The following TMCC3 variants were observed in gnomAD, a reference collection of about 807,000 sequenced individuals.
The protein encoded by TMCC3 is transmembrane and coiled-coil domain family 3.
TMCC3 carries 28 observed loss-of-function variants against 40.2 expected under a neutral mutation model. That is an observed-to-expected ratio of 0.70 (90% CI 0.52 to 0.95). The LOEUF (loss-of-function observed/expected upper bound fraction) is 0.95. TMCC3 is among the 40% of genes least tolerant of loss of function. The probability of loss-of-function intolerance (pLI) is 0.00; values close to 1 mark genes in which losing one functional copy is unlikely to be tolerated. For synonymous variants in TMCC3, 255 were observed against 248.5 expected (o/e 1.03, Z -0.25); for missense variants, 554 against 615.2 (o/e 0.90, Z 1.05).
chr12:94,619,010 G>A (rs997206743), intron 1 of TMCC3, among the ~76,000 whole-genome samples: 7 of 152,172 alleles, frequency 4.6e-5, no homozygotes, highest in Admixed American at 3.3e-4. Flanking sequence ...CACCCAGCCC[G>A]TGGTCTACTT....
At position 94,571,068 on chromosome 12, in the gene TMCC3, G is replaced by T; in HGVS notation, c.*367C>A. 1 of 229,962 alleles carries T rather than the reference G, an allele frequency of 4.3e-6. No individual in the cohort carries two copies. The allele number at this position is 229,962 out of a possible 1,614,324, so 14.2% of individuals were successfully genotyped here. A position where few individuals can be genotyped will look rare whatever the true frequency, so the allele number is the denominator to read the frequency against. The stretch of plus-strand genomic sequence containing the variant: ...TAGGACTCACAGAAAACAACCATTA[G>T]CAATTGTGAAGCTCAATTCTGACAG... On this transcript the variant is annotated 3_prime_UTR_variant, in exon 4 of 4. Transcript: ENST00000261226.
chr12:94,612,727 A>C (rs2068823747), intron 1 of TMCC3, among the ~76,000 whole-genome samples: 3 of 152,258 alleles, frequency 2.0e-5, no homozygotes. Context: ...AAAGCAAGAC[A>C]GAATTACTTG....
At chr12:94,624,023 G>T (rs934271301) in intron 1 of TMCC3, among the ~76,000 whole-genome samples, 1 of 152,226 alleles carries the variant, frequency 6.6e-6, no homozygotes, top group Non-Finnish European at 1.5e-5. Flanking sequence ...CATGTACAAA[G>T]ATTATAACAA....
At chr12:94,618,822 T>C (rs1302342092) in intron 1 of TMCC3, among the ~76,000 whole-genome samples, 3 of 152,222 alleles carry the variant, frequency 2.0e-5, no homozygotes, top group South Asian at 2.1e-4. Flanking sequence ...AGAACCAAGA[T>C]ACCTTCCAGT....
chr12:94,644,478 A>G (rs889475104), intron 1 of TMCC3: 1 of 979,908 alleles, frequency 1.0e-6, no homozygotes, highest in African/African-American at 1.8e-5. Context: ...TGTCTTGGTG[A>G]TCTCTACAGC....
intron 1 of TMCC3, among the ~76,000 whole-genome samples, chr12:94,604,822 A>AAAG: frequency 6.6e-6 from 1 of 150,936 alleles, no homozygotes; most frequent in African/African-American, 2.4e-5. Context: ...AAAAAAAAAA[A>AAAG]AAGAAGTAAT....
intron 1 of TMCC3, among the ~76,000 whole-genome samples, chr12:94,592,661 C>CAAACAA (rs1179258894): frequency 2.2e-4 from 6 of 27,494 alleles, no homozygotes; most frequent in Non-Finnish European, 3.4e-4. Context: ...GGCTCCATCT[C>CAAACAA]AAAAAAAAAA....
intron 1 of TMCC3, among the ~76,000 whole-genome samples, chr12:94,625,645 G>A (rs1469577764): frequency 4.0e-5 from 6 of 148,374 alleles, no homozygotes; most frequent in African/African-American, 2.5e-5. Context: ...AGGGCAAATA[G>A]TCTCACCGTG....
At chr12:94,592,358 G>C (rs531207012) in intron 1 of TMCC3, among the ~76,000 whole-genome samples, 1 of 151,828 alleles carries the variant, frequency 6.6e-6, no homozygotes, top group African/African-American at 2.4e-5. Flanking sequence ...TCCTATTTCC[G>C]GCCGGGCGCA....
chr12:94,619,743 G>A (rs2068865377), intron 1 of TMCC3, among the ~76,000 whole-genome samples: 1 of 152,126 alleles, frequency 6.6e-6, no homozygotes, highest in Non-Finnish European at 1.5e-5. Context: ...GTATTACAAA[G>A]CAAAAGAAAC....
At chr12:94,600,293 C>CCTTG (rs757750556) in intron 1 of TMCC3, among the ~76,000 whole-genome samples, 28 of 123,516 alleles carry the variant, frequency 2.3e-4, no homozygotes, top group Non-Finnish European at 3.5e-4. Context: ...ATTGACCCTT[C>CCTTG]CTTGCTATCC....
At chr12:94,572,306 C>CT (rs527894810) in intron 3 of TMCC3, among the ~76,000 whole-genome samples, 1,368 of 50,626 alleles carry the variant, frequency 0.027, 127 homozygotes, top group African/African-American at 0.081. Flanking sequence ...CCGACTTCAT[C>CT]TTTTTTTTTT....
Position 94,650,493 on chromosome 12 carries a change from G to T in TMCC3, c.-63C>A. Reference sequence around the variant, plus strand: ...GCTGCCGCGCCGCGAGCCACCGGCTGTGCTCGGGATCACCCTGGGAGCCGC... The same window carrying T: ...GCTGCCGCGCCGCGAGCCACCGGCTTTGCTCGGGATCACCCTGGGAGCCGC... On this transcript the variant is annotated 5_prime_UTR_variant, in exon 1 of 4. Coordinates refer to ENST00000261226, the MANE Select transcript of TMCC3 (RefSeq NM_020698.4). The T allele has an allele frequency of 8.4e-7, 1 of 1,191,056 alleles. No individual in the cohort carries two copies. The highest frequency in any genetic ancestry group is 1.1e-6 in the Non-Finnish European group (1 of 951,246). 73.8% of individuals were successfully genotyped at this position (1,191,056 alleles called of 1,614,324 possible).
intron 1 of TMCC3, among the ~76,000 whole-genome samples, chr12:94,588,189 G>A (rs2068649315): frequency 6.6e-6 from 1 of 152,204 alleles, no homozygotes; most frequent in African/African-American, 2.4e-5. Context: ...GACACACTGT[G>A]CAGGATTCAC....
At chr12:94,598,510 G>A (rs2068731780) in intron 1 of TMCC3, 1 of 878,356 alleles carries the variant, frequency 1.1e-6, no homozygotes, top group Admixed American at 6.2e-5. Context: ...TCTCAATTTT[G>A]GCATTCATAA....
At chr12:94,643,795 C>T (rs1789115308) in intron 1 of TMCC3, among the ~76,000 whole-genome samples, 1 of 152,222 alleles carries the variant, frequency 6.6e-6, no homozygotes, top group East Asian at 1.9e-4. Flanking sequence ...CTCCAGTGTT[C>T]GCCACGGAGG....
chr12:94,642,983 G>A (rs897260335), intron 1 of TMCC3, among the ~76,000 whole-genome samples: 4 of 152,128 alleles, frequency 2.6e-5, no homozygotes, highest in Non-Finnish European at 5.9e-5. Context: ...ACGAGGTCAG[G>A]AGATCGAGAC....
chr12:94,630,084 G>T (rs757634214), intron 1 of TMCC3, among the ~76,000 whole-genome samples: 5 of 152,104 alleles, frequency 3.3e-5, no homozygotes, highest in Non-Finnish European at 7.3e-5. Context: ...TGGCCAACAT[G>T]GCAAAACCCC....
At position 94,635,735 on chromosome 12, in the gene TMCC3, T is replaced by C. The variant is rs996928697; in HGVS notation, c.78+14618A>G. 4.8e-5 allele frequency among the ~76,000 whole-genome samples: 7 copies of C among 144,796 alleles called. No homozygotes were observed. In the Admixed American group the frequency reaches 5.0e-4, roughly 10 times the overall value. The allele number at this position is 144,796 out of a possible 152,430, so 95.0% of individuals were successfully genotyped here. On this transcript the variant is annotated intron_variant, in intron 1 of 3. Transcript: ENST00000261226. ...GGCTGGATGGAGTGCAGTGGCACGA[T>C]CTTGGCTCACTGCAACCTCCGCCTC...
Sources: allele counts gnomAD v4.1 joint callset (sites outside exome capture counted in the v4.1 genomes callset), GRCh38; gene constraint gnomAD v4.1.1; transcripts MANE v1.5; gene names NCBI Gene and HGNC (gene_info 2026-07-23, HGNC 2026-07-21).